Variants in DNAH11 observed in about 807,000 individuals in gnomAD.
The protein encoded by DNAH11 is dynein axonemal heavy chain 11.
Under a neutral mutation model 526.0 loss-of-function variants are expected in DNAH11, and 442 were observed. The ratio of observed to expected loss-of-function variants is 0.84; its 90% CI spans 0.78 to 0.91. The LOEUF is 0.91. Ranked by LOEUF, DNAH11 falls within the 40% of genes least tolerant of loss-of-function variation. DNAH11 has a pLI of 0.00. For synonymous variants in DNAH11, 2,461 were observed against 1,935.9 expected, an observed-to-expected ratio of 1.27 and a Z score of -7.12; for missense variants, 6,989 against 5,448.7, an observed-to-expected ratio of 1.28 and a Z score of -8.90.
rs115972839 is a variant in DNAH11, at chr7:21,796,698, G to A, written c.10027-4439G>A. ...TAGGCTGTGGGGCCAAACATCACGTGTTACATCTTAGCCCAGTACTTTCCA... is the reference window on the plus strand; with the variant it reads ...TAGGCTGTGGGGCCAAACATCACGTATTACATCTTAGCCCAGTACTTTCCA... On this transcript the variant is annotated intron_variant, in intron 61 of 81. Transcript: ENST00000409508. Among the ~76,000 whole-genome samples the A allele has an allele frequency of 9.9e-3, 1,500 of 152,282 alleles. 18 individuals are homozygous for A. Among genetic ancestry groups the A allele is most frequent in the African/African-American group, 0.034 (1,415 of 41,552 alleles).
intron 28 of DNAH11, among the ~76,000 whole-genome samples, chr7:21,643,886 A>G (rs1787234944): frequency 1.3e-5 from 2 of 152,220 alleles, no homozygotes; most frequent in African/African-American, 4.8e-5. Context: ...TGGATTAAAT[A>G]TACATTAAAA....
intron 74 of DNAH11, among the ~76,000 whole-genome samples, chr7:21,873,853 T>G (rs1453229708): frequency 2.4e-5 from 3 of 124,620 alleles, no homozygotes; most frequent in East Asian, 5.5e-4. Context: ...TGCAGTGGCA[T>G]GATCTTGCCT....
At chr7:21,690,049 C>T (rs749782938) in intron 34 of DNAH11, among the ~76,000 whole-genome samples, 1 of 152,190 alleles carries the variant, frequency 6.6e-6, no homozygotes, top group Non-Finnish European at 1.5e-5. Flanking sequence ...TAGCATTAGT[C>T]ATAGCTAACA....
intron 20 of DNAH11, among the ~76,000 whole-genome samples, chr7:21,609,036 C>G (rs920370392): frequency 1.3e-5 from 2 of 152,130 alleles, no homozygotes; most frequent in African/African-American, 4.8e-5. Flanking sequence ...GTCCACAAGA[C>G]AGAAAACACT....
rs750881734 is a variant in DNAH11, at chr7:21,750,197, T to C, written c.8798-25T>C. ...AATTTAAATTGCAATGATCTTTTAG[T>C]AATTCTACTCATTCTTTGGGGCAGG... On this transcript the variant is annotated intron_variant, in intron 53 of 81. Transcript: ENST00000409508. 13 of 1,557,400 alleles carry C rather than the reference T, an allele frequency of 8.3e-6. No individual in the cohort carries two copies. The Admixed American group carries it at 2.3e-4, about 28-fold the overall frequency.
chr7:21,789,266 G>A lies in DNAH11; in HGVS notation c.9950G>A (p.Arg3317His), dbSNP rs767303269. Residue 3317 changes from arginine to histidine, a missense_variant, in exon 61 of 82, where the codon CGC becomes CAC. Arg to His is a conservative substitution (Grantham distance 29). Transcript: ENST00000409508. ...YEVYCDVEPK[R>H]QALAQANLEL... is the part of the protein sequence containing the mutation. Reference sequence around the variant, plus strand: ...GTCTACTGTGATGTGGAGCCAAAACGCCAAGCATTAGCCCAAGCAAACTTA... The same window carrying A: ...GTCTACTGTGATGTGGAGCCAAAACACCAAGCATTAGCCCAAGCAAACTTA... 10 of 1,574,930 alleles carry A rather than the reference G, an allele frequency of 6.3e-6. No homozygotes were observed. Among genetic ancestry groups the A allele is most frequent in the Admixed American group, 1.8e-5 (1 of 54,254 alleles).
chr7:21,708,660 A>G (rs1369612319), intron 40 of DNAH11, among the ~76,000 whole-genome samples: 1 of 151,950 alleles, frequency 6.6e-6, no homozygotes, highest in Non-Finnish European at 1.5e-5. Context: ...CCCTGACTTC[A>G]TTTCCCACCA....
At chr7:21,775,457 A>G (rs1787631313) in intron 56 of DNAH11, among the ~76,000 whole-genome samples, 1 of 152,056 alleles carries the variant, frequency 6.6e-6, no homozygotes, top group South Asian at 2.1e-4. Context: ...TCTCTACAAA[A>G]GAATTTTTTA....
chr7:21,858,190 T>C (rs2128028243), intron 68 of DNAH11, among the ~76,000 whole-genome samples: 1 of 152,342 alleles, frequency 6.6e-6, no homozygotes. Context: ...TCTTATTCTA[T>C]GTCCCACAGA....
intron 20 of DNAH11, among the ~76,000 whole-genome samples, chr7:21,610,257 A>G (rs1785466528): frequency 6.6e-6 from 1 of 152,148 alleles, no homozygotes; most frequent in Admixed American, 6.5e-5. Flanking sequence ...CCATCTCAAA[A>G]AAACAAAAAC....
intron 28 of DNAH11, among the ~76,000 whole-genome samples, chr7:21,640,781 C>G (rs1038325053): frequency 2.6e-5 from 4 of 152,210 alleles, no homozygotes; most frequent in African/African-American, 9.6e-5. Flanking sequence ...AAATTTCCAT[C>G]TCATCTCCAT....
intron 35 of DNAH11, 47 bp from the exon 36 acceptor site, chr7:21,698,028 T>TA: frequency 6.4e-7 from 1 of 1,564,990 alleles, no homozygotes; most frequent in Non-Finnish European, 8.7e-7. Flanking sequence ...AATTTGTACT[T>TA]ATCACCTTGT....
intron 2 of DNAH11, among the ~76,000 whole-genome samples, chr7:21,548,783 C>G (rs62439334): frequency 0.19 from 29,512 of 152,150 alleles, 2,934 homozygotes; most frequent in Middle Eastern, 0.27. Flanking sequence ...AACTCTGCCC[C>G]CTGCCTAGAG....
intron 14 of DNAH11, among the ~76,000 whole-genome samples, chr7:21,596,049 A>C (rs1384155895): frequency 6.6e-6 from 1 of 152,260 alleles, no homozygotes; most frequent in African/African-American, 2.4e-5. Context: ...GAAGAAAATA[A>C]AAAGAAGTAC....
chr7:21,782,404 T>C (rs1454436299), intron 57 of DNAH11, among the ~76,000 whole-genome samples: 1 of 152,236 alleles, frequency 6.6e-6, no homozygotes, highest in African/African-American at 2.4e-5. Context: ...TACTGAGATA[T>C]ACAGAATTTT....
Position 21,828,956 on chromosome 7 carries a change from G to A in DNAH11, c.10691+10617G>A, listed in dbSNP as rs1409025169. Among the ~76,000 whole-genome samples the A allele has an allele frequency of 3.3e-5, 5 of 152,108 alleles. No individual in the cohort carries two copies. The East Asian group carries it at 5.8e-4, about 18-fold the overall frequency. Reference sequence around the variant, plus strand: ...TTTTCTTTCCTTCTTTTCCTTGAGCGTCTTGCCAGCTGTGCAGCTTTCAAC... The same window carrying A: ...TTTTCTTTCCTTCTTTTCCTTGAGCATCTTGCCAGCTGTGCAGCTTTCAAC... On this transcript the variant is annotated intron_variant, in intron 65 of 81. Transcript: ENST00000409508.
chr7:21,890,249 C>T (rs571274631), intron 76 of DNAH11, among the ~76,000 whole-genome samples: 1 of 152,310 alleles, frequency 6.6e-6, no homozygotes, highest in African/African-American at 2.4e-5. Flanking sequence ...AGCTGTATAC[C>T]TCAGGCCCTT....
At chr7:21,892,282 G>T in intron 76 of DNAH11, 143 bp from the exon 77 acceptor site, 1 of 1,196,320 alleles carries the variant, frequency 8.4e-7, no homozygotes, top group Non-Finnish European at 1.2e-6. Flanking sequence ...CAAAATTGTT[G>T]ATTATAAAAC....
chr7:21,854,286 GTTAC>G, intron 67 of DNAH11, 25 bp from the exon 68 acceptor site: 1 of 1,609,148 alleles, frequency 6.2e-7, no homozygotes, highest in Non-Finnish European at 8.5e-7. Context: ...GAGTAAATAA[GTTAC>G]TTATTTTGTT....
Sources: gnomAD v4.1 joint callset for allele counts (sites outside exome capture counted in the v4.1 genomes callset) on GRCh38, gnomAD v4.1.1 for gene constraint, MANE v1.5 for transcripts, NCBI Gene and HGNC (gene_info 2026-07-23, HGNC 2026-07-21) for gene names.